Variants in NELL1 observed in about 807,000 individuals in gnomAD.
The protein encoded by NELL1 is protein kinase C-binding protein NELL1.
Under a neutral mutation model 107.4 loss-of-function variants are expected in NELL1, and 76 were observed. The ratio of observed to expected loss-of-function variants is 0.71; its 90% confidence interval spans 0.59 to 0.86. The LOEUF is 0.86. Among genes scored for constraint, NELL1 ranks in the 40% least tolerant of loss-of-function variants. NELL1 has a pLI of 0.00. For missense variants in NELL1, 1,024 were observed against 1,005.5 expected, an observed-to-expected ratio of 1.02 and a Z score of -0.25; for synonymous variants, 353 against 341.2, an observed-to-expected ratio of 1.03 and a Z score of -0.38.
intron 12 of NELL1, among the ~76,000 whole-genome samples, chr11:21,063,155 G>C (rs938399437): frequency 1.3e-5 from 2 of 152,044 alleles, no homozygotes; most frequent in Admixed American, 1.3e-4. Context: ...GCTGCTTATA[G>C]TTTTGTTAAG....
At chr11:20,998,989 AC>A in intron 12 of NELL1, among the ~76,000 whole-genome samples, 2 of 152,348 alleles carry the variant, frequency 1.3e-5, no homozygotes, top group Admixed American at 1.3e-4. Flanking sequence ...TGCAACTTGG[AC>A]AAAATTAAAT....
Position 21,358,660 on chromosome 11 carries a change from G to A in NELL1, c.1550-12193G>A, listed in dbSNP as rs1209457446. ...TTGAACTCCTGACCTCGGGTGATCC[G>A]CCTGCCTCAGCCTCCCAAAGTGGTG... On this transcript the variant is annotated intron_variant, in intron 14 of 19. Transcript: ENST00000357134. Among the ~76,000 whole-genome samples the A allele has an allele frequency of 4.9e-5, 7 of 143,834 alleles. No homozygotes were observed. In the Middle Eastern group the frequency reaches 0.012, roughly 239 times the overall value. 94.4% of individuals were successfully genotyped at this position (143,834 alleles called of 152,430 possible). A position where few individuals can be genotyped will look rare whatever the true frequency, so the allele number is the denominator to read the frequency against.
chr11:21,443,342 C>T (rs1455177493), intron 15 of NELL1, among the ~76,000 whole-genome samples: 1 of 152,058 alleles, frequency 6.6e-6, no homozygotes, highest in Non-Finnish European at 1.5e-5. Flanking sequence ...GATTAGTTTC[C>T]AACACATGAA....
intron 12 of NELL1, among the ~76,000 whole-genome samples, chr11:20,982,268 G>GAGAT (rs1368366770): frequency 6.6e-6 from 1 of 152,162 alleles, no homozygotes; most frequent in Non-Finnish European, 1.5e-5. Flanking sequence ...GAGTAGGGTA[G>GAGAT]AGATGCCTGC....
intron 16 of NELL1, among the ~76,000 whole-genome samples, chr11:21,545,019 T>A (rs564172070): frequency 1.3e-5 from 2 of 152,108 alleles, no homozygotes; most frequent in East Asian, 1.9e-4. Flanking sequence ...ATTACTTTTT[T>A]AAAATGTGGT....
chr11:21,542,839 A>C (rs1419041684), intron 16 of NELL1, among the ~76,000 whole-genome samples: 1 of 152,118 alleles, frequency 6.6e-6, no homozygotes, highest in Non-Finnish European at 1.5e-5. Context: ...AAATACAAAT[A>C]TTTGAAAAAT....
intron 13 of NELL1, among the ~76,000 whole-genome samples, chr11:21,217,301 C>T (rs529739879): frequency 9.9e-5 from 15 of 151,908 alleles, no homozygotes; most frequent in African/African-American, 2.9e-4. Flanking sequence ...AGTGTGAGAA[C>T]GAGATAATAC....
At chr11:20,671,576 A>G (rs943438092) in intron 1 of NELL1, among the ~76,000 whole-genome samples, 2 of 152,146 alleles carry the variant, frequency 1.3e-5, no homozygotes, top group African/African-American at 4.8e-5. Flanking sequence ...TCCACTTCCA[A>G]TCCCCTTTAA....
At chr11:21,091,171 T>G (rs907710943) in intron 12 of NELL1, among the ~76,000 whole-genome samples, 4 of 152,210 alleles carry the variant, frequency 2.6e-5, no homozygotes, top group African/African-American at 9.6e-5. Context: ...TATCCCCTTC[T>G]CTGAAGATCT....
intron 15 of NELL1, among the ~76,000 whole-genome samples, chr11:21,390,498 T>C (rs1324021167): frequency 6.7e-6 from 1 of 148,490 alleles, no homozygotes; most frequent in Admixed American, 6.7e-5. Context: ...TCATCCACAG[T>C]GTGTGTGGAT....
At chr11:21,256,270 G>A (rs569556835) in intron 14 of NELL1, among the ~76,000 whole-genome samples, 3 of 152,120 alleles carry the variant, frequency 2.0e-5, no homozygotes, top group African/African-American at 7.2e-5. Context: ...TGCTCTCTCT[G>A]AGAACTAAAG....
chr11:20,780,537 A>T (rs1218248514), intron 2 of NELL1, among the ~76,000 whole-genome samples: 2 of 152,202 alleles, frequency 1.3e-5, no homozygotes, highest in Non-Finnish European at 2.9e-5. Context: ...GCCTGCCCTC[A>T]TGGAACTTAC....
intron 13 of NELL1, among the ~76,000 whole-genome samples, chr11:21,202,262 T>G (rs1857286939): frequency 6.6e-6 from 1 of 152,182 alleles, no homozygotes; most frequent in Non-Finnish European, 1.5e-5. Context: ...GTCCTGGACT[T>G]TTTTTGGTTG....
chr11:21,157,088 G>A lies in NELL1; in HGVS notation c.1426+43374G>A, dbSNP rs566653508. Among the ~76,000 whole-genome samples the A allele has an allele frequency of 5.3e-5, 8 of 152,036 alleles. No homozygotes were observed. In the South Asian group the frequency reaches 1.5e-3, roughly 28 times the overall value. On this transcript the variant is annotated intron_variant, in intron 13 of 19. Transcript: ENST00000357134. ...CTGCAATTTTAGCCTGGGCAACAGA[G>A]CGAGAGTCTGACTCAAAAATATGTG...
intron 2 of NELL1, among the ~76,000 whole-genome samples, chr11:20,779,015 G>A (rs1856805053): frequency 2.0e-5 from 3 of 152,098 alleles, no homozygotes; most frequent in African/African-American, 7.2e-5. Context: ...ATGAGGACTG[G>A]AGCTGAGGTT....
chr11:20,779,250 C>A (rs1314256087), intron 2 of NELL1, among the ~76,000 whole-genome samples: 3 of 152,162 alleles, frequency 2.0e-5, no homozygotes, highest in Non-Finnish European at 4.4e-5. Context: ...GATGACATGA[C>A]TGTCATTCTG....
At chr11:20,918,458 C>T (rs927186192) in intron 6 of NELL1, among the ~76,000 whole-genome samples, 10 of 151,872 alleles carry the variant, frequency 6.6e-5, no homozygotes, top group Non-Finnish European at 1.5e-4. Context: ...TCCGTTTTCT[C>T]ACTGCTGATA....
chr11:21,221,245 T>G (rs2133872724), intron 13 of NELL1, among the ~76,000 whole-genome samples: 1 of 152,326 alleles, frequency 6.6e-6, no homozygotes, highest in Non-Finnish European at 1.5e-5. Context: ...TTGATCATGG[T>G]GTATAATCTT....
At chr11:21,284,727 G>A (rs1440247406) in intron 14 of NELL1, 3 of 346,834 alleles carry the variant, frequency 8.6e-6, no homozygotes, top group African/African-American at 4.3e-5. Flanking sequence ...AAGGCAATGT[G>A]ACAATTTAGT....
Sources: gnomAD v4.1 joint callset for allele counts (sites outside exome capture counted in the v4.1 genomes callset) on GRCh38, gnomAD v4.1.1 for gene constraint, MANE v1.5 for transcripts, NCBI Gene and HGNC (gene_info 2026-07-23, HGNC 2026-07-21) for gene names.